Variants in ODAD3 observed in about 807,000 individuals in gnomAD.
ODAD3 encodes outer dynein arm docking complex subunit 3.
A neutral mutation model predicts 70.9 loss-of-function variants in ODAD3; 57 were observed. That is an observed-to-expected ratio of 0.80 (90% CI 0.65 to 1.00). ODAD3 has a LOEUF of 1.00. ODAD3 is among the 50% of genes least tolerant of loss of function. The pLI, the probability that ODAD3 is intolerant of heterozygous loss-of-function variation, is 0.00. For missense variants in ODAD3, 797 were observed against 763.9 expected (o/e 1.04, Z -0.51); for synonymous variants, 327 against 315.9 (o/e 1.04, Z -0.37).
chr19:11,424,220 G>C (rs1022757325), intron 7 of ODAD3, among the ~76,000 whole-genome samples, 191 bp from the exon 8 acceptor site: 4 of 152,116 alleles, frequency 2.6e-5, no homozygotes, highest in Non-Finnish European at 4.4e-5. Flanking sequence ...GGTCGGGCGC[G>C]GGGGCGGTGG....
rs186472548 is a variant in ODAD3, at chr19:11,435,119, T to C, written c.-103A>G. The C allele has an allele frequency of 7.2e-5, 107 of 1,483,186 alleles. No homozygotes were observed. In the East Asian group the frequency reaches 2.3e-3, roughly 32 times the overall value. The allele number at this position is 1,483,186 out of a possible 1,614,324, so 91.9% of individuals were successfully genotyped here. On this transcript the variant is annotated 5_prime_UTR_variant, in exon 1 of 13. Transcript: ENST00000356392. ...CTCGGATTCCTAGGGCTCTGAAAAA[T>C]GCACTTTCCGACCGCTAGGTGGTTG...
In ODAD3 at chr19:11,427,440, G is replaced by A. The variant is rs1432013504; in HGVS notation, c.445-400C>T. Among the ~76,000 whole-genome samples, 3 of 146,586 alleles carry A rather than the reference G, an allele frequency of 2.0e-5. No homozygotes were observed. The East Asian group carries it at 6.0e-4, about 29-fold the overall frequency. On this transcript the variant is annotated intron_variant, in intron 3 of 12. Coordinates refer to ENST00000356392, the MANE Select transcript of ODAD3 (RefSeq NM_145045.5). ...CTCCCGAGTAGCTGGGATTACAGGT[G>A]CCCACCACCACGCCTGGCTAATTTT...
At chr19:11,425,117 A>G (rs199629701) in intron 7 of ODAD3, among the ~76,000 whole-genome samples, 2 of 134,762 alleles carry the variant, frequency 1.5e-5, no homozygotes. Context: ...ATATGTGTAT[A>G]TGTACATATG....
Position 11,421,793 on chromosome 19 carries a change from C to G in ODAD3, c.1474G>C (p.Ala492Pro). 6.2e-7 allele frequency: 1 copy of G among 1,613,288 alleles called. No individual in the cohort carries two copies. The highest frequency in any genetic ancestry group is 1.1e-5 in the South Asian group (1 of 91,086). ...AGCAGGTTTGGCACATAGTTATCTG[C>G]CTGGGGATCCAGCTCCTTTCCCGCG... ...RFAGKELDPQADNYVPNLLGL... is the reference protein window; with the variant it reads ...RFAGKELDPQPDNYVPNLLGL... The change falls in exon 11 of 13, where the codon GCA (alanine) becomes CCA (proline). Residue 492 changes from alanine to proline, a missense_variant. Transcript: ENST00000356392.
intron 1 of ODAD3, chr19:11,431,312 T>C (rs1458393169): frequency 1.2e-5 from 4 of 344,012 alleles, no homozygotes; most frequent in East Asian, 7.5e-5. Flanking sequence ...GGTTTCTCCA[T>C]GTTGGTCAGG....
In ODAD3 at chr19:11,425,341, ATGTATATATGTGTATATGTACATATG is replaced by A. The variant is rs1229435265; in HGVS notation, c.963+777_963+802del. Among the ~76,000 whole-genome samples, 14 of 126,806 alleles carry A rather than the reference ATGTATATATGTGTATATGTACATATG, an allele frequency of 1.1e-4. 1 individual carries two copies. The highest frequency in any genetic ancestry group is 1.4e-4 in the Non-Finnish European group (9 of 62,436). The allele number at this position is 126,806 out of a possible 152,430, so 83.2% of individuals were successfully genotyped here. A position where few individuals can be genotyped will look rare whatever the true frequency, so the allele number is the denominator to read the frequency against. ...TGTGTATATGTACATATGTGTATAT[ATGTATATATGTGTATATGTACATATG>A]TGTATATATGTGTGTATGTACATAT... is the stretch of plus-strand genomic sequence containing the variant. On this transcript the variant is annotated intron_variant, in intron 7 of 12. Coordinates refer to ENST00000356392, the MANE Select transcript of ODAD3 (RefSeq NM_145045.5).
chr19:11,420,982 T>A, intron 12 of ODAD3, 35 bp from the exon 13 acceptor site: 1 of 1,601,758 alleles, frequency 6.2e-7, no homozygotes, highest in Non-Finnish European at 8.6e-7. Context: ...GGGAGCGATG[T>A]GGGATCCAGG....
Position 11,426,021 on chromosome 19 carries a change from GA to G in ODAD3, c.963+122del, listed in dbSNP as rs1310981043. The G allele has an allele frequency of 2.8e-5, 38 of 1,337,928 alleles. No homozygotes were observed. The East Asian group carries it at 8.3e-4, about 29-fold the overall frequency. 82.9% of individuals were successfully genotyped at this position (1,337,928 alleles called of 1,614,324 possible). A position where few individuals can be genotyped will look rare whatever the true frequency, so the allele number is the denominator to read the frequency against. ...CGCACCAAGTGGGGGTGGAGTCAGA[GA>G]GGGGGCGGGGTTAGGAGAAACAGAA... On this transcript the variant is annotated intron_variant, in intron 7 of 12. Transcript: ENST00000356392.
intron 7 of ODAD3, among the ~76,000 whole-genome samples, chr19:11,425,601 A>G (rs1969343876): frequency 6.8e-5 from 9 of 131,880 alleles, no homozygotes; most frequent in African/African-American, 2.3e-4. Flanking sequence ...ATGTGTATAT[A>G]TGTGTGTGTA....
intron 10 of ODAD3, 81 bp from the exon 11 acceptor site, chr19:11,421,913 C>CG: frequency 6.7e-7 from 1 of 1,486,982 alleles, no homozygotes; most frequent in East Asian, 2.3e-5. Context: ...GCTTTTCTTT[C>CG]GGGGGCGGGG....
rs1463964831 is a variant in ODAD3, at chr19:11,422,026, C to G, written c.1435-194G>C. On this transcript the variant is annotated intron_variant, in intron 10 of 12. Coordinates refer to ENST00000356392, the MANE Select transcript of ODAD3 (RefSeq NM_145045.5). This position sits in a 1 kb window ranked among gnomAD's most constrained non-coding sequence, Gnocchi z 4.6. ...ATGGGGGAGCCTCTGAACTCTAACT[C>G]TATATGTAAAGGTTTCGGGGAGGCC... is the stretch of plus-strand genomic sequence containing the variant. Among the ~76,000 whole-genome samples the G allele has an allele frequency of 9.2e-5, 14 of 152,074 alleles. No individual in the cohort carries two copies. The highest frequency in any genetic ancestry group is 8.5e-4 in the Admixed American group (13 of 15,258).
chr19:11,422,416 T>C lies in ODAD3; in HGVS notation c.1434+55A>G. The C allele has an allele frequency of 6.8e-7, 1 of 1,470,774 alleles. No individual in the cohort carries two copies. Among genetic ancestry groups the C allele is most frequent in the East Asian group, 2.5e-5 (1 of 40,616 alleles). 91.1% of individuals were successfully genotyped at this position (1,470,774 alleles called of 1,614,324 possible). ...TGTGGCAGGAACCCCGCTTCGTGGCTGCGCCTCTGCGGTCCCAGGAGGGCC... is the reference window on the plus strand; with the variant it reads ...TGTGGCAGGAACCCCGCTTCGTGGCCGCGCCTCTGCGGTCCCAGGAGGGCC... On this transcript the variant is annotated intron_variant, in intron 10 of 12. Transcript: ENST00000356392. This position sits in a 1 kb window ranked among gnomAD's most constrained non-coding sequence, Gnocchi z 4.6.
chr19:11,423,275 C>T (rs1195101829), intron 8 of ODAD3, among the ~76,000 whole-genome samples: 2 of 152,214 alleles, frequency 1.3e-5, no homozygotes, highest in African/African-American at 2.4e-5. Flanking sequence ...CCAGATGACC[C>T]CATAGGTGTA....
At chr19:11,435,729 G>A (rs1430782568), upstream of ODAD3, 2 of 1,340,740 alleles carry the variant, frequency 1.5e-6, no homozygotes, top group Non-Finnish European at 2.0e-6. Flanking sequence ...GAGCGGGTGG[G>A]AGGGCACCTC....
Position 11,426,217 on chromosome 19 carries a change from C to T in ODAD3, c.890G>A (p.Arg297Gln), listed in dbSNP as rs1288614928. 1.2e-6 allele frequency: 2 copies of T among 1,613,882 alleles called. No homozygotes were observed. Among genetic ancestry groups the T allele is most frequent in the Non-Finnish European group, 1.7e-6 (2 of 1,179,934 alleles). Residue 297 changes from arginine to glutamine, a missense_variant, in exon 7 of 13, where the codon CGG becomes CAG. By Grantham distance (43) the Arg-to-Gln change is conservative. Transcript: ENST00000356392. ...CTTGCACTCACTTATGTAGCGTTCC[C>T]GCTTCTTGCGCTCTCGAACCAAGGT... ...EETLVRERKK[R>Q]ERYISECKKR...
At position 11,426,663 on chromosome 19, in the gene ODAD3, C is replaced by G. The variant is rs774527645; in HGVS notation, c.714+20G>C. On this transcript the variant is annotated intron_variant, in intron 5 of 12. Coordinates refer to ENST00000356392, the MANE Select transcript of ODAD3 (RefSeq NM_145045.5). Reference sequence around the variant, plus strand: ...CGCCCTCCCTGTTTGTCATCTCACCCGAGCCCTCCTAGTCCCTACCATTAG... The same window carrying G: ...CGCCCTCCCTGTTTGTCATCTCACCGGAGCCCTCCTAGTCCCTACCATTAG... 1.2e-6 allele frequency: 2 copies of G among 1,613,590 alleles called. No homozygotes were observed. Among genetic ancestry groups the G allele is most frequent in the African/African-American group, 1.3e-5 (1 of 74,978 alleles).
chr19:11,425,543 G>GTATATATGTATATATGTGTGTATA (rs1969336728), intron 7 of ODAD3, among the ~76,000 whole-genome samples: 37 of 133,386 alleles, frequency 2.8e-4, no homozygotes, highest in African/African-American at 1.2e-3. Context: ...ATGTGTGTAT[G>GTATATATGTATATATGTGTGTATA]TATGTATATA....
intron 7 of ODAD3, among the ~76,000 whole-genome samples, chr19:11,424,994 T>C (rs536759021): frequency 7.5e-6 from 1 of 132,820 alleles, no homozygotes; most frequent in Admixed American, 7.2e-5. Flanking sequence ...TATGTACATA[T>C]GTGTATATGT....
intron 3 of ODAD3, among the ~76,000 whole-genome samples, chr19:11,428,861 T>TTTTATTTA (rs1195887473): frequency 0.042 from 5,753 of 135,650 alleles, 189 homozygotes; most frequent in African/African-American, 0.096. Context: ...GTGTTTTATT[T>TTTTATTTA]TTTATTTATT....
Sources: gnomAD v4.1 joint callset for allele counts (sites outside exome capture counted in the v4.1 genomes callset) on GRCh38, gnomAD v4.1.1 for gene constraint, Gnocchi (gnomAD v3.1) non-coding constraint, MANE v1.5 for transcripts, NCBI Gene and HGNC (gene_info 2026-07-23, HGNC 2026-07-21) for gene names.